LYN: variants seen among roughly 807,000 people sequenced by gnomAD.
LYN encodes the protein LYN proto-oncogene, Src family tyrosine kinase.
Under a neutral mutation model 65.0 loss-of-function variants are expected in LYN, and 12 were observed. That is an observed-to-expected ratio of 0.18 (90% CI 0.12 to 0.30). LYN has a LOEUF of 0.30. LYN is among the 10% of genes least tolerant of loss of function. The pLI, the probability that LYN is intolerant of heterozygous loss-of-function variation, is 1.00. For synonymous variants in LYN, 222 were observed against 221.2 expected (o/e 1.00, Z -0.03); for missense variants, 380 against 623.2 (o/e 0.61, Z 4.16).
chr8:55,945,425 A>T (rs1240806570), intron 2 of LYN, among the ~76,000 whole-genome samples: 1 of 152,252 alleles, frequency 6.6e-6, no homozygotes, highest in Non-Finnish European at 1.5e-5. Context: ...GATAGTATGC[A>T]GCCATGGGTT....
At position 56,011,350 on chromosome 8, in the gene LYN, G is replaced by T. The variant is rs1431341774; in HGVS notation, c.*1240G>T. 9.2e-6 allele frequency: 2 copies of T among 217,744 alleles called. No individual in the cohort carries two copies. Among genetic ancestry groups the T allele is most frequent in the South Asian group, 3.7e-4 (2 of 5,390 alleles). The allele number at this position is 217,744 out of a possible 1,614,324, so 13.5% of individuals were successfully genotyped here. ...GTATATACCTAATATTTCTATTTTT[G>T]ATTTTATTTTAATACACCTCGTCCA... On this transcript the variant is annotated 3_prime_UTR_variant, in exon 13 of 13. Coordinates refer to ENST00000519728, the MANE Select transcript of LYN (RefSeq NM_002350.4).
rs1458170900 is a variant in LYN, at chr8:56,010,190, T to C, written c.*80T>C. 2.2e-6 allele frequency: 3 copies of C among 1,392,066 alleles called. No homozygotes were observed. The highest frequency in any genetic ancestry group is 3.0e-6 in the Non-Finnish European group (3 of 988,496). 86.2% of individuals were successfully genotyped at this position (1,392,066 alleles called of 1,614,324 possible). A position where few individuals can be genotyped will look rare whatever the true frequency, so the allele number is the denominator to read the frequency against. ...AAGTAACCATCACTGGTTGCACTTA[T>C]GATTTCATGTGCGGGGATCATCTGC... On this transcript the variant is annotated 3_prime_UTR_variant, in exon 13 of 13. Transcript: ENST00000519728.
intron 10 of LYN, among the ~76,000 whole-genome samples, chr8:55,981,935 G>A (rs1358248598): frequency 6.6e-6 from 1 of 152,180 alleles, no homozygotes; most frequent in Non-Finnish European, 1.5e-5. Flanking sequence ...TGAAGCCAAC[G>A]GCAGATGCAT....
chr8:55,969,847 G>A (rs376527149), intron 10 of LYN, 54 bp downstream of exon 10: 51 of 1,419,552 alleles, frequency 3.6e-5, no homozygotes, highest in Admixed American at 1.8e-4. Context: ...ACTTCCCTGC[G>A]TCAAATTCAT....
At chr8:55,955,599 T>C (rs901291659) in intron 8 of LYN, among the ~76,000 whole-genome samples, 17 of 152,226 alleles carry the variant, frequency 1.1e-4, no homozygotes, top group Admixed American at 5.2e-4. Context: ...TTCACAATAT[T>C]GTGTAGCCAC....
At chr8:55,885,113 G>A (rs959951826) in intron 1 of LYN, among the ~76,000 whole-genome samples, 3 of 152,182 alleles carry the variant, frequency 2.0e-5, no homozygotes, top group Non-Finnish European at 4.4e-5. Context: ...ATTGGCATGA[G>A]CTGACCGTGT....
chr8:55,944,574 G>C (rs141712280), intron 2 of LYN, among the ~76,000 whole-genome samples: 16,812 of 152,190 alleles, frequency 0.11, 1,284 homozygotes, highest in Middle Eastern at 0.27. Flanking sequence ...TCCTCCTCCT[G>C]AGTTCAAGCG....
intron 1 of LYN, among the ~76,000 whole-genome samples, chr8:55,901,883 G>T (rs1395734244): frequency 6.6e-6 from 1 of 152,194 alleles, no homozygotes; most frequent in Non-Finnish European, 1.5e-5. Flanking sequence ...TTCAGACTGT[G>T]ATTTGGGTTA....
chr8:55,951,750 G>A (rs1391539446), intron 6 of LYN, among the ~76,000 whole-genome samples: 3 of 150,778 alleles, frequency 2.0e-5, no homozygotes, highest in African/African-American at 7.3e-5. Flanking sequence ...CATGAAGAAA[G>A]AAAATGGTAT....
At chr8:55,948,869 C>CA (rs1806858618) in intron 4 of LYN, among the ~76,000 whole-genome samples, 1 of 152,202 alleles carries the variant, frequency 6.6e-6, no homozygotes, top group Non-Finnish European at 1.5e-5. Flanking sequence ...GAGCATGATG[C>CA]ATGTGTTTAA....
chr8:55,951,492 C>A (rs1283185862), intron 6 of LYN, among the ~76,000 whole-genome samples: 1 of 151,906 alleles, frequency 6.6e-6, no homozygotes, highest in Non-Finnish European at 1.5e-5. Context: ...TAGCAAGAGC[C>A]TGTTTCTATA....
intron 6 of LYN, among the ~76,000 whole-genome samples, chr8:55,951,458 A>G (rs1806945121): frequency 1.3e-5 from 2 of 152,132 alleles, no homozygotes; most frequent in Non-Finnish European, 2.9e-5. Flanking sequence ...TGAACCCAGC[A>G]GTTTGATACC....
At chr8:55,898,705 A>C (rs986786704) in intron 1 of LYN, among the ~76,000 whole-genome samples, 4 of 152,250 alleles carry the variant, frequency 2.6e-5, no homozygotes, top group African/African-American at 9.6e-5. Context: ...AATCAATTTT[A>C]GAACATTTTT....
intron 1 of LYN, among the ~76,000 whole-genome samples, chr8:55,901,505 C>T (rs1010730571): frequency 6.6e-6 from 1 of 152,210 alleles, no homozygotes; most frequent in Non-Finnish European, 1.5e-5. Context: ...CTGTGGCCTC[C>T]CTGGAACTAC....
rs180943107 is a variant in LYN at position 56,010,264 on chromosome 8, T to G, written c.*154T>G. 1.4e-6 allele frequency: 1 copy of G among 696,760 alleles called. No homozygotes were observed. Among genetic ancestry groups the G allele is most frequent in the East Asian group, 2.8e-5 (1 of 36,352 alleles). 43.2% of individuals were successfully genotyped at this position (696,760 alleles called of 1,614,324 possible). On this transcript the variant is annotated 3_prime_UTR_variant, in exon 13 of 13. Transcript: ENST00000519728. ...GCTAAATTACTCAGGAAGAACACCC[T>G]CTAAATGGGAAAGTATTCTGTACTC...
At chr8:55,921,078 T>G (rs115725725) in intron 1 of LYN, among the ~76,000 whole-genome samples, 7,491 of 152,290 alleles carry the variant, frequency 0.049, 613 homozygotes, top group African/African-American at 0.17. Context: ...ACATTTTGTT[T>G]GTTTTCATCG....
intron 10 of LYN, among the ~76,000 whole-genome samples, chr8:55,987,867 T>A (rs866588472): frequency 6.6e-6 from 1 of 152,208 alleles, no homozygotes; most frequent in African/African-American, 2.4e-5. Flanking sequence ...CTCGTTACTA[T>A]GAATATAACC....
intron 12 of LYN, among the ~76,000 whole-genome samples, chr8:55,999,806 T>C (rs1262996546): frequency 6.6e-6 from 1 of 152,002 alleles, no homozygotes; most frequent in African/African-American, 2.4e-5. Context: ...ACCCCGTCTC[T>C]ACTAAAATTA....
chr8:55,899,504 T>TATAATAA (rs1305798043), intron 1 of LYN, among the ~76,000 whole-genome samples: 1 of 152,222 alleles, frequency 6.6e-6, no homozygotes, highest in Non-Finnish European at 1.5e-5. Flanking sequence ...CTGGGAAATG[T>TATAATAA]ATAATAAATA....
Sources: gnomAD v4.1 joint callset for allele counts (sites outside exome capture counted in the v4.1 genomes callset) on GRCh38, gnomAD v4.1.1 for gene constraint, MANE v1.5 for transcripts, NCBI Gene and HGNC (gene_info 2026-07-23, HGNC 2026-07-21) for gene names.